Variants in GALNT10 observed in about 807,000 individuals in gnomAD.
The protein encoded by GALNT10 is GalNAc transferase 10.
A neutral mutation model predicts 75.0 loss-of-function variants in GALNT10; 41 were observed. The observed-to-expected ratio is 0.55, with a 90% CI of 0.43 to 0.71. The LOEUF (loss-of-function observed/expected upper bound fraction) is 0.71. Among genes scored for constraint, GALNT10 ranks in the 30% least tolerant of loss-of-function variants. The probability of loss-of-function intolerance (pLI) is 0.00; values close to 1 mark genes in which losing one functional copy is unlikely to be tolerated. For synonymous variants in GALNT10, 302 were observed against 313.0 expected (o/e 0.96, Z 0.37); for missense variants, 727 against 818.5 (o/e 0.89, Z 1.36).
chr5:154,293,614 T>TATATATATATATATATATATA (rs60780135), intron 1 of GALNT10, among the ~76,000 whole-genome samples: 3 of 106,456 alleles, frequency 2.8e-5, no homozygotes, highest in African/African-American at 1.2e-4. Flanking sequence ...TATATATATA[T>TATATATATATATATATATATA]TTTTTTTTTC....
At position 154,324,487 on chromosome 5, in the gene GALNT10, C is replaced by T. The variant is rs569462634; in HGVS notation, c.402-5085C>T. Among the ~76,000 whole-genome samples the T allele has an allele frequency of 3.3e-5, 5 of 152,372 alleles. 1 individual carries two copies. The highest frequency in any genetic ancestry group is 2.1e-4 in the South Asian group (1 of 4,832). Reference sequence around the variant, plus strand: ...GCCTCTTCCTCACTCCTCTGCCTGTCTCACCTCTTTACAGGTGAATCTCCC... The same window carrying T: ...GCCTCTTCCTCACTCCTCTGCCTGTTTCACCTCTTTACAGGTGAATCTCCC... On this transcript the variant is annotated intron_variant, in intron 3 of 11. Transcript: ENST00000297107.
At chr5:154,311,658 C>G (rs1286410927) in intron 3 of GALNT10, among the ~76,000 whole-genome samples, 2 of 151,198 alleles carry the variant, frequency 1.3e-5, no homozygotes, top group Non-Finnish European at 2.9e-5. Context: ...CTTGCCCAGG[C>G]TGGAGTGCAG....
At chr5:154,411,888 C>T (rs75180655) in intron 9 of GALNT10, among the ~76,000 whole-genome samples, 2,138 of 152,272 alleles carry the variant, frequency 0.014, 42 homozygotes, top group African/African-American at 0.048. Context: ...AGTGGTCTTA[C>T]ATCTGTGAAG....
At chr5:154,365,132 A>C (rs537250356) in intron 4 of GALNT10, among the ~76,000 whole-genome samples, 5 of 152,238 alleles carry the variant, frequency 3.3e-5, no homozygotes, top group Non-Finnish European at 5.9e-5. Flanking sequence ...CATCTTCTGC[A>C]AAATAGGAGA....
At chr5:154,219,179 C>T (rs1752931085) in intron 1 of GALNT10, among the ~76,000 whole-genome samples, 1 of 152,258 alleles carries the variant, frequency 6.6e-6, no homozygotes, top group Non-Finnish European at 1.5e-5. Flanking sequence ...CCGACATGTG[C>T]TCTACCTGGG....
In GALNT10 at chr5:154,420,217, C is replaced by T. The variant is rs1045015066; in HGVS notation, c.*3245C>T. 7 of 152,230 alleles carry T rather than the reference C, an allele frequency of 4.6e-5. No homozygotes were observed. Among genetic ancestry groups the T allele is most frequent in the African/African-American group, 1.7e-4 (7 of 41,462 alleles). The allele number at this position is 152,230 out of a possible 1,614,324, so 9.4% of individuals were successfully genotyped here. A position where few individuals can be genotyped will look rare whatever the true frequency, so the allele number is the denominator to read the frequency against. The stretch of plus-strand genomic sequence containing the variant: ...GGACGAGAGGATGTGACATTCGGTC[C>T]AGGAGAGAAAGAGCAGTTTCTGTTA... On this transcript the variant is annotated 3_prime_UTR_variant, in exon 12 of 12. Coordinates refer to ENST00000297107, the MANE Select transcript of GALNT10 (RefSeq NM_198321.4).
At chr5:154,296,097 TTTG>T (rs1754267779) in intron 2 of GALNT10, among the ~76,000 whole-genome samples, 1 of 152,120 alleles carries the variant, frequency 6.6e-6, no homozygotes, top group African/African-American at 2.4e-5. Context: ...TTTGTTTTGT[TTTG>T]TTTTCAGATG....
chr5:154,251,098 G>A lies in GALNT10; in HGVS notation c.160-43718G>A, dbSNP rs373017088. ...CAGAAAGCTAAACAAAACTGTGAAC[G>A]TAATGAATTGTTATAAGGTGAACCC... is the stretch of plus-strand genomic sequence containing the variant. On this transcript the variant is annotated intron_variant, in intron 1 of 11. Transcript: ENST00000297107. 3.9e-5 allele frequency among the ~76,000 whole-genome samples: 6 copies of A among 152,230 alleles called. No individual in the cohort carries two copies. In the South Asian group the frequency reaches 1.2e-3, roughly 32 times the overall value.
At position 154,409,518 on chromosome 5, in the gene GALNT10, C is replaced by G. The variant is rs6580077; in HGVS notation, c.1165-23C>G. 371,190 of 1,509,466 alleles carry G rather than the reference C, an allele frequency of 0.25. 51,391 individuals carry two copies. Among genetic ancestry groups the G allele is most frequent in the Admixed American group, 0.49 (29,168 of 59,864 alleles). The allele number at this position is 1,509,466 out of a possible 1,614,324, so 93.5% of individuals were successfully genotyped here. A position where few individuals can be genotyped will look rare whatever the true frequency, so the allele number is the denominator to read the frequency against. On this transcript the variant is annotated intron_variant, in intron 8 of 11. Coordinates refer to ENST00000297107, the MANE Select transcript of GALNT10 (RefSeq NM_198321.4). This position sits in a 1 kb window ranked among gnomAD's most constrained non-coding sequence, Gnocchi z 4.5. Reference sequence around the variant, plus strand: ...TTTGGCTTCTTGGAAAGACTGACCCCTCCATTGCTTCTTGCCCCATAGAAC... The same window carrying G: ...TTTGGCTTCTTGGAAAGACTGACCCGTCCATTGCTTCTTGCCCCATAGAAC...
intron 4 of GALNT10, among the ~76,000 whole-genome samples, chr5:154,370,924 A>G (rs1489306352): frequency 6.6e-6 from 1 of 152,184 alleles, no homozygotes; most frequent in African/African-American, 2.4e-5. Flanking sequence ...TATTCCTGCC[A>G]TGTCACTGTC....
rs550279646 is a variant in GALNT10, at chr5:154,386,951, C to A, written c.1056+521C>A. ...TCCCAGCTCCATCATCAGGAGCTAT[C>A]TGACTTTGGGCAAGTTAGATCACCC... On this transcript the variant is annotated intron_variant, in intron 7 of 11. Transcript: ENST00000297107. The A allele has an allele frequency of 3.0e-5, 5 of 165,702 alleles. No individual in the cohort carries two copies. In the East Asian group the frequency reaches 7.4e-4, roughly 25 times the overall value. 10.3% of individuals were successfully genotyped at this position (165,702 alleles called of 1,614,324 possible).
chr5:154,329,807 G>A, intron 4 of GALNT10, 69 bp downstream of exon 4: 1 of 1,152,436 alleles, frequency 8.7e-7, no homozygotes, highest in Non-Finnish European at 1.3e-6. Flanking sequence ...GGGATGGCAG[G>A]TTTTCCCTTC....
rs79489293 is a variant in GALNT10 at position 154,398,687 on chromosome 5, G to C, written c.1057-5417G>C. ...CACATGGAGCAGTTCCAACTGAAAA[G>C]AGCACTTTTGCACAGAATCTGGGTT... On this transcript the variant is annotated intron_variant, in intron 7 of 11. Transcript: ENST00000297107. Among the ~76,000 whole-genome samples, 26 of 152,320 alleles carry C rather than the reference G, an allele frequency of 1.7e-4. No homozygotes were observed. In the East Asian group the frequency reaches 5.0e-3, roughly 29 times the overall value.
chr5:154,261,821 G>C (rs754345994), intron 1 of GALNT10, among the ~76,000 whole-genome samples: 1 of 152,172 alleles, frequency 6.6e-6, no homozygotes, highest in African/African-American at 2.4e-5. Context: ...TTTAGCTTAC[G>C]ATTGTGCCAT....
At position 154,191,008 on chromosome 5, in the gene GALNT10, G is replaced by A. The variant is rs1362146235; in HGVS notation, c.142G>A (p.Ala48Thr). The change falls in exon 1 of 12, where the codon GCG becomes ACG. Residue 48 changes from alanine (A) to threonine (T), a missense_variant. By Grantham distance (58) the Ala-to-Thr change is moderately conservative. Coordinates refer to ENST00000297107, the MANE Select transcript of GALNT10 (RefSeq NM_198321.4). ...GTPGGSGAAV[A>T]PAAGQGSHSR... ...CCCTGGGGGATCGGGGGCGGCGGTG[G>A]CGCCGGCGGCGGGACAGGTGAGTCC... 2 of 1,471,014 alleles carry A rather than the reference G, an allele frequency of 1.4e-6. No homozygotes were observed. The highest frequency in any genetic ancestry group is 1.8e-6 in the Non-Finnish European group (2 of 1,107,888). The allele number at this position is 1,471,014 out of a possible 1,614,324, so 91.1% of individuals were successfully genotyped here. A position where few individuals can be genotyped will look rare whatever the true frequency, so the allele number is the denominator to read the frequency against.
intron 1 of GALNT10, among the ~76,000 whole-genome samples, chr5:154,280,516 G>T (rs1385961856): frequency 6.6e-6 from 1 of 151,978 alleles, no homozygotes; most frequent in African/African-American, 2.4e-5. Context: ...ATATCATTTT[G>T]TACCCTATAA....
chr5:154,403,838 A>G, intron 7 of GALNT10: 2 of 484,024 alleles, frequency 4.1e-6, no homozygotes, highest in Middle Eastern at 5.7e-4. Flanking sequence ...TACCTACTTT[A>G]TAGGTTTTCT....
chr5:154,409,309 T>C lies in GALNT10; in HGVS notation c.1165-232T>C, dbSNP rs1025226060. 12 of 569,374 alleles carry C rather than the reference T, an allele frequency of 2.1e-5. No homozygotes were observed. Among genetic ancestry groups the C allele is most frequent in the African/African-American group, 2.1e-4 (11 of 53,258 alleles). 35.3% of individuals were successfully genotyped at this position (569,374 alleles called of 1,614,324 possible). ...CGCTAGAAGAAGATGGGATGGAAGATGGGCAGGCAAAACAACAGCAGCCTA... is the reference window on the plus strand; with the variant it reads ...CGCTAGAAGAAGATGGGATGGAAGACGGGCAGGCAAAACAACAGCAGCCTA... On this transcript the variant is annotated intron_variant, in intron 8 of 11. Transcript: ENST00000297107. The surrounding 1 kb of genome is among the most constrained non-coding windows in gnomAD (Gnocchi z 4.5).
intron 1 of GALNT10, among the ~76,000 whole-genome samples, chr5:154,197,753 A>G (rs184798921): frequency 6.6e-6 from 1 of 152,330 alleles, no homozygotes; most frequent in Non-Finnish European, 1.5e-5. Flanking sequence ...CCATTTATTT[A>G]GCACTTACTC....
Sources: gnomAD v4.1 joint callset for allele counts (sites outside exome capture counted in the v4.1 genomes callset) on GRCh38, gnomAD v4.1.1 for gene constraint, Gnocchi (gnomAD v3.1) non-coding constraint, MANE v1.5 for transcripts, NCBI Gene and HGNC (gene_info 2026-07-23, HGNC 2026-07-21) for gene names.